SETX: variants seen among roughly 807,000 people sequenced by gnomAD.
SETX encodes senataxin.
Under a neutral mutation model 227.2 loss-of-function variants are expected in SETX, and 90 were observed. The ratio of observed to expected loss-of-function variants is 0.40; its 90% CI spans 0.33 to 0.47. The LOEUF (loss-of-function observed/expected upper bound fraction) is 0.47. Among genes scored for constraint, SETX ranks in the 20% least tolerant of loss-of-function variants. The pLI is 0.91. For missense variants in SETX, 3,052 were observed against 3,181.5 expected, an observed-to-expected ratio of 0.96 and a Z score of 0.98; for synonymous variants, 1,210 against 1,113.2, an observed-to-expected ratio of 1.09 and a Z score of -1.73.
chr9:132,327,393 G>A lies in SETX; in HGVS notation c.4205C>T (p.Thr1402Ile), dbSNP rs2131435169. 2 of 1,614,212 alleles carry A rather than the reference G, an allele frequency of 1.2e-6. No individual in the cohort carries two copies. Among genetic ancestry groups the A allele is most frequent in the Non-Finnish European group, 1.7e-6 (2 of 1,180,028 alleles). Residue 1402 changes from threonine (T) to isoleucine (I), a missense_variant, in exon 10 of 26, where the codon ACT becomes ATT. Transcript: ENST00000224140. ...DRSDYNCTGG[T>I]EVLANSNRKQ... The stretch of plus-strand genomic sequence containing the variant: ...TCTGTTACTGTTGGCAAGTACCTCA[G>A]TTCCTCCTGTACAATTATAATCTGA...
chr9:132,339,060 G>T (rs1398499246), intron 5 of SETX, among the ~76,000 whole-genome samples: 1 of 152,194 alleles, frequency 6.6e-6, no homozygotes, highest in East Asian at 1.9e-4. Context: ...ACCATGCCCA[G>T]CCCTTTTCCC....
intron 25 of SETX, among the ~76,000 whole-genome samples, chr9:132,269,183 A>T (rs1157375385): frequency 3.3e-5 from 5 of 152,264 alleles, no homozygotes; most frequent in Non-Finnish European, 5.9e-5. Context: ...TAAGTGCTGG[A>T]GAAACAGAGT....
intron 15 of SETX, among the ~76,000 whole-genome samples, chr9:132,288,912 TAC>T (rs1410546053): frequency 6.6e-6 from 1 of 152,182 alleles, no homozygotes; most frequent in East Asian, 1.9e-4. Flanking sequence ...AACAGTACAC[TAC>T]AGAGTTGAGA....
At chr9:132,305,853 G>A (rs1845304589) in intron 11 of SETX, among the ~76,000 whole-genome samples, 1 of 152,138 alleles carries the variant, frequency 6.6e-6, no homozygotes, top group African/African-American at 2.4e-5. Flanking sequence ...GGGACAAGTG[G>A]TATAATATGA....
chr9:132,356,018 A>C (rs1848895552), upstream of SETX, among the ~76,000 whole-genome samples: 1 of 141,158 alleles, frequency 7.1e-6, no homozygotes. Context: ...AAAAATTAGC[A>C]CCTGTGGGCC....
At position 132,329,072 on chromosome 9, in the gene SETX, A is replaced by G; in HGVS notation, c.2526T>C (p.Ser842=). 1 of 1,610,336 alleles carries G rather than the reference A, an allele frequency of 6.2e-7. No homozygotes were observed. Among genetic ancestry groups the G allele is most frequent in the South Asian group, 1.1e-5 (1 of 90,806 alleles). The change falls in exon 10 of 26, where the codon TCT becomes TCC. Residue 842 remains serine, a synonymous_variant. Coordinates refer to ENST00000224140, the MANE Select transcript of SETX (RefSeq NM_015046.7). ...QKGDGFIHNL[S]LDPSGVLDDK... is the part of the protein sequence containing the mutation. ...CATCCAGAACACCACTAGGGTCTAAAGAAAGATTGTGTATGAAACCATCTC... is the reference window on the plus strand; with the variant it reads ...CATCCAGAACACCACTAGGGTCTAAGGAAAGATTGTGTATGAAACCATCTC...
At chr9:132,342,260 CCTT>C (rs1848022161) in intron 5 of SETX, among the ~76,000 whole-genome samples, 2 of 152,160 alleles carry the variant, frequency 1.3e-5, no homozygotes. Flanking sequence ...TGGATTTTGT[CCTT>C]CTTCATCTCT....
rs983278199 is a variant in SETX, at chr9:132,327,609, G to A, written c.3989C>T (p.Ser1330Phe). The change falls in exon 10 of 26, where the codon TCT becomes TTT. Residue 1330 changes from serine to phenylalanine, a missense_variant. Physicochemically the swap from Ser to Phe is radical, Grantham distance 155 (BLOSUM62 -2). This residue lies in a region of SETX where 1,483 missense variants were observed against 1,312.0 expected (regional missense o/e 1.13). Coordinates refer to ENST00000224140, the MANE Select transcript of SETX (RefSeq NM_015046.7). ...VDTRKKTKLI[S>F]PQNLSVRNNK... ...ATTTCTGACAGACAGGTTCTGAGGA[G>A]AAATTAATTTAGTCTTTTTTCGGGT... 1.2e-6 allele frequency: 2 copies of A among 1,614,026 alleles called. No individual in the cohort carries two copies. Among genetic ancestry groups the A allele is most frequent in the Non-Finnish European group, 1.7e-6 (2 of 1,179,996 alleles).
chr9:132,346,495 T>C (rs1043518249), intron 3 of SETX, 24 bp from the exon 4 acceptor site: 1 of 1,508,504 alleles, frequency 6.6e-7, no homozygotes, highest in African/African-American at 1.4e-5. Flanking sequence ...AAATGGGCAG[T>C]GTGCGTTATG....
rs1847080086 is a variant in SETX, at chr9:132,329,472, G to A, written c.2126C>T (p.Thr709Ile). 6.2e-7 allele frequency: 1 copy of A among 1,612,444 alleles called. No individual in the cohort carries two copies. The highest frequency in any genetic ancestry group is 8.5e-7 in the Non-Finnish European group (1 of 1,179,830). The part of the protein sequence containing the change: ...ERAEDQIKIS[T>I]RKQKSVKEIS... ...CTCTTTTACAGACTTCTGCTTCCTT[G>A]TACTTATTTTAATTTGATCTTCAGC... Residue 709 changes from threonine to isoleucine, a missense_variant, in exon 10 of 26, where the codon ACA becomes ATA. Physicochemically the swap from Thr to Ile is moderately conservative, Grantham distance 89. Around this residue, in one of 10 missense-constraint regions of SETX, gnomAD observed 1,483 missense variants for 1,312.0 expected, o/e 1.13. Coordinates refer to ENST00000224140, the MANE Select transcript of SETX (RefSeq NM_015046.7).
Position 132,325,180 on chromosome 9 carries a change from C to T in SETX, c.5274+1144G>A, listed in dbSNP as rs183780945. On this transcript the variant is annotated intron_variant, in intron 10 of 25. Transcript: ENST00000224140. ...GACCATCCTGGCTAACATGGTGAAA[C>T]CCCATCTCTACTAAAAATACAAAAA... is the stretch of plus-strand genomic sequence containing the variant. 1.3e-3 allele frequency among the ~76,000 whole-genome samples: 191 copies of T among 152,088 alleles called. 1 individual carries two copies. The highest frequency in any genetic ancestry group is 4.4e-3 in the African/African-American group (183 of 41,480).
rs575175925 is a variant in SETX, at chr9:132,345,678, T to G, written c.388+583A>C. 5.3e-5 allele frequency among the ~76,000 whole-genome samples: 8 copies of G among 152,366 alleles called. No individual in the cohort carries two copies. The East Asian group carries it at 1.5e-3, about 29-fold the overall frequency. On this transcript the variant is annotated intron_variant, in intron 4 of 25. Coordinates refer to ENST00000224140, the MANE Select transcript of SETX (RefSeq NM_015046.7). Reference sequence around the variant, plus strand: ...TATAAACTATGTGATGGGTATATCATGTTCACTGTATAATTTACTTTTCTA... The same window carrying G: ...TATAAACTATGTGATGGGTATATCAGGTTCACTGTATAATTTACTTTTCTA...
At chr9:132,287,234 T>C (rs913683357) in intron 17 of SETX, among the ~76,000 whole-genome samples, 2 of 152,134 alleles carry the variant, frequency 1.3e-5, no homozygotes, top group African/African-American at 4.8e-5. Flanking sequence ...CCTGTAATCC[T>C]GGCACTTTGG....
Position 132,330,174 on chromosome 9 carries a change from A to C in SETX, c.1424T>G (p.Leu475Trp). Residue 475 changes from leucine to tryptophan, a missense_variant, in exon 10 of 26, where the codon TTG becomes TGG. By Grantham distance (61) the Leu-to-Trp change is moderately conservative (BLOSUM62 -2). Around this residue, in one of 10 missense-constraint regions of SETX, gnomAD observed 179 missense variants for 197.1 expected, o/e 0.91. Transcript: ENST00000224140. The part of the protein sequence containing the change: ...VIELHRNKKC[L>W]HLLWVSSQQW... The stretch of plus-strand genomic sequence containing the variant: ...CTGGGAACTTACCCACAGCAAATGC[A>C]AACATTTTTTATTTCTATGCAGTTC... 1.9e-6 allele frequency: 3 copies of C among 1,594,062 alleles called. No individual in the cohort carries two copies. Among genetic ancestry groups the C allele is most frequent in the South Asian group, 2.2e-5 (2 of 88,898 alleles).
In SETX at chr9:132,327,795, A is replaced by G; in HGVS notation, c.3803T>C (p.Ile1268Thr). The G allele has an allele frequency of 6.2e-7, 1 of 1,614,182 alleles. No homozygotes were observed. The highest frequency in any genetic ancestry group is 8.5e-7 in the Non-Finnish European group (1 of 1,180,032). Residue 1268 changes from isoleucine to threonine, a missense_variant, in exon 10 of 26, where the codon ATA becomes ACA. Physicochemically the swap from Ile to Thr is moderately conservative, Grantham distance 89 (BLOSUM62 -1). This residue lies in a region of SETX where 1,483 missense variants were observed against 1,312.0 expected (regional missense o/e 1.13). Transcript: ENST00000224140. Reference protein sequence around the residue: ...NYLSCRTTPAIVPPKKFRQCP... With the variant: ...NYLSCRTTPATVPPKKFRQCP... ...CTGACGAAATTTCTTTGGCGGCACT[A>G]TAGCAGGAGTTGTTCTACAACTTAG...
intron 13 of SETX, 105 bp downstream of exon 13, chr9:132,297,975 T>C: frequency 1.0e-6 from 1 of 982,542 alleles, no homozygotes; most frequent in Non-Finnish European, 1.6e-6. Context: ...CTGTTCACCG[T>C]GAACACATTT....
chr9:132,324,797 T>G (rs893649158), intron 10 of SETX, among the ~76,000 whole-genome samples: 4 of 152,246 alleles, frequency 2.6e-5, no homozygotes, highest in African/African-American at 9.6e-5. Flanking sequence ...TTGTTGGTTT[T>G]AAGAGTATTA....
intron 10 of SETX, among the ~76,000 whole-genome samples, chr9:132,323,403 A>G (rs1846493890): frequency 6.6e-6 from 1 of 152,226 alleles, no homozygotes; most frequent in African/African-American, 2.4e-5. Flanking sequence ...AGCATACTAC[A>G]TGGCTTAGCT....
chr9:132,286,297 G>A (rs1453271486), intron 18 of SETX, 126 bp downstream of exon 18: 6 of 702,848 alleles, frequency 8.5e-6, no homozygotes, highest in Non-Finnish European at 7.1e-6. Context: ...CCCAGCCTGA[G>A]AGACAGAGTG....
Sources: allele counts gnomAD v4.1 joint callset (sites outside exome capture counted in the v4.1 genomes callset), GRCh38; gene constraint gnomAD v4.1.1; regional missense constraint gnomAD v4.1.1; transcripts MANE v1.5; gene names NCBI Gene and HGNC (gene_info 2026-07-23, HGNC 2026-07-21).